The following SLC25A53 variants were observed in gnomAD, a reference collection of about 807,000 sequenced individuals.
SLC25A53 encodes mitochondrial carrier triple repeat protein 6.
Under a neutral mutation model 15.0 loss-of-function variants are expected in SLC25A53, and 5 were observed. The observed-to-expected ratio is 0.33, with a 90% CI of 0.17 to 0.70. The LOEUF (loss-of-function observed/expected upper bound fraction) is 0.70. Ranked by LOEUF, SLC25A53 falls within the 30% of genes least tolerant of loss-of-function variation. SLC25A53 has a pLI of 0.67. For synonymous variants in SLC25A53, 95 were observed against 100.0 expected (o/e 0.95, Z 0.30); for missense variants, 216 against 241.6 (o/e 0.89, Z 0.70).
intron 1 of SLC25A53, among the ~76,000 whole-genome samples, chrX:104,144,375 A>G (rs201384624): frequency 2.7e-5 from 3 of 112,066 alleles, no homozygotes; most frequent in East Asian, 5.6e-4. Context: ...AAAGACACAC[A>G]TAGGCTCAAA....
chrX:104,125,867 A>C (rs2075409336), intron 1 of SLC25A53, among the ~76,000 whole-genome samples: 1 of 112,224 alleles, frequency 8.9e-6, no homozygotes, highest in African/African-American at 3.2e-5. Flanking sequence ...TTGATGAAAG[A>C]AAGCTAGCAA....
In SLC25A53 at chrX:104,155,162, T is replaced by C. The variant is rs782522360; in HGVS notation, c.-32+1716A>G. 5.4e-5 allele frequency among the ~76,000 whole-genome samples: 6 copies of C among 110,321 alleles called. No individual in the cohort carries two copies. The East Asian group carries it at 1.4e-3, about 26-fold the overall frequency. ...GCCTAGCCTTCCCTAGGGGAGATATTCTTTTTTTTTTTTTGAGACAGAGTC... is the reference window on the plus strand; with the variant it reads ...GCCTAGCCTTCCCTAGGGGAGATATCCTTTTTTTTTTTTTGAGACAGAGTC... On this transcript the variant is annotated intron_variant, in intron 1 of 1. Coordinates refer to ENST00000594199, the MANE Select transcript of SLC25A53 (RefSeq NM_001012755.5).
intron 1 of SLC25A53, among the ~76,000 whole-genome samples, chrX:104,123,896 C>CT (rs201212512): frequency 0.023 from 2,569 of 111,367 alleles, 64 homozygotes; most frequent in African/African-American, 0.079. Flanking sequence ...ATGAACTCAT[C>CT]TTTTTTTATA....
chrX:104,122,301 TTTG>T (rs1358543154), intron 1 of SLC25A53, among the ~76,000 whole-genome samples: 1 of 94,831 alleles, frequency 1.1e-5, no homozygotes, highest in African/African-American at 3.9e-5. Flanking sequence ...ATTTCTTTTT[TTTG>T]TTTTTTTTTT....
At chrX:104,113,991 T>C in intron 1 of SLC25A53, 3 of 1,095,427 alleles carry the variant, frequency 2.7e-6, no homozygotes, top group Non-Finnish European at 3.6e-6. Context: ...TTCCTTAGAA[T>C]CCCTACTGAA....
intron 1 of SLC25A53, chrX:104,115,109 G>A: frequency 8.3e-7 from 1 of 1,202,610 alleles, no homozygotes; most frequent in Non-Finnish European, 1.1e-6. Context: ...AAGAATGATG[G>A]TCCTGGGAAT....
At chrX:104,136,415 C>T (rs2075436762) in intron 1 of SLC25A53, among the ~76,000 whole-genome samples, 1 of 111,270 alleles carries the variant, frequency 9.0e-6, no homozygotes, top group African/African-American at 3.3e-5. Flanking sequence ...GGCTGGAGCA[C>T]TAGGCAGCTC....
At chrX:104,123,566 T>C (rs1248735462) in intron 1 of SLC25A53, among the ~76,000 whole-genome samples, 1 of 111,660 alleles carries the variant, frequency 9.0e-6, no homozygotes, top group East Asian at 2.8e-4. Flanking sequence ...TTACTTTTTT[T>C]CCCTTTTTTT....
chrX:104,152,323 C>T (rs1461538760), intron 1 of SLC25A53, among the ~76,000 whole-genome samples: 43 of 102,213 alleles, frequency 4.2e-4, no homozygotes, highest in African/African-American at 1.5e-3. Flanking sequence ...TGAGAACATG[C>T]GGTGTTTGGT....
intron 1 of SLC25A53, among the ~76,000 whole-genome samples, chrX:104,137,205 G>GCAAA (rs111925970): frequency 1.8e-5 from 2 of 111,107 alleles, no homozygotes; most frequent in African/African-American, 6.5e-5. Context: ...TTAAAAACAA[G>GCAAA]CAAACAAACA....
chrX:104,140,584 T>C (rs1039236758), intron 1 of SLC25A53, among the ~76,000 whole-genome samples: 7 of 111,537 alleles, frequency 6.3e-5, no homozygotes, highest in Non-Finnish European at 1.1e-4. Flanking sequence ...CCCTTTAACA[T>C]TGGTCTCTCC....
intron 1 of SLC25A53, among the ~76,000 whole-genome samples, chrX:104,137,516 C>T (rs781870211): frequency 9.3e-4 from 104 of 111,538 alleles, no homozygotes; most frequent in African/African-American, 3.4e-3. Context: ...GGATCTTGAG[C>T]AGCTCACTGG....
intron 1 of SLC25A53, among the ~76,000 whole-genome samples, chrX:104,116,299 C>T (rs782145146): frequency 1.8e-5 from 2 of 110,920 alleles, no homozygotes; most frequent in Admixed American, 9.6e-5. Context: ...CCTATCTTCA[C>T]GAAGAGGTCA....
chrX:104,101,845 G>A lies in SLC25A53; in HGVS notation c.*2489C>T. ...GAATTAGGGTAAAGGGGACATGGGT[G>A]TTCTTTAAGCTTTATTTATGCTTGC... is the stretch of plus-strand genomic sequence containing the variant. On this transcript the variant is annotated 3_prime_UTR_variant, in exon 2 of 2. Coordinates refer to ENST00000594199, the MANE Select transcript of SLC25A53 (RefSeq NM_001012755.5). 8.9e-6 allele frequency: 1 copy of A among 111,959 alleles called. No homozygotes were observed. The highest frequency in any genetic ancestry group is 2.8e-4 in the East Asian group (1 of 3,575). 9.2% of individuals were successfully genotyped at this position (111,959 alleles called of 1,213,427 possible). A position where few individuals can be genotyped will look rare whatever the true frequency, so the allele number is the denominator to read the frequency against.
At chrX:104,154,370 T>C (rs2075494143) in intron 1 of SLC25A53, among the ~76,000 whole-genome samples, 1 of 112,329 alleles carries the variant, frequency 8.9e-6, no homozygotes, top group Admixed American at 9.4e-5. Context: ...GGCAACCCTA[T>C]ACATTGTTGG....
intron 1 of SLC25A53, chrX:104,114,992 C>A: frequency 8.4e-7 from 1 of 1,192,332 alleles, no homozygotes; most frequent in East Asian, 3.0e-5. Context: ...CCTACAGGTG[C>A]CCCTCCCTTC....
At chrX:104,114,375 A>G in intron 1 of SLC25A53, 1 of 1,211,590 alleles carries the variant, frequency 8.3e-7, no homozygotes. Context: ...GCTTGATGAA[A>G]ACACTTAGGG....
At chrX:104,112,619 T>C (rs1285334399) in intron 1 of SLC25A53, 2 of 113,650 alleles carry the variant, frequency 1.8e-5, no homozygotes, top group African/African-American at 6.4e-5. Flanking sequence ...TTGGGAACCG[T>C]GCTGCCTCGA....
intron 1 of SLC25A53, among the ~76,000 whole-genome samples, chrX:104,109,061 A>G (rs59626857): frequency 0.054 from 6,062 of 111,735 alleles, 373 homozygotes; most frequent in African/African-American, 0.19. Context: ...ATATGACTCA[A>G]TCCTTAATTG....
Sources: allele counts gnomAD v4.1 joint callset (sites outside exome capture counted in the v4.1 genomes callset), GRCh38; gene constraint gnomAD v4.1.1; transcripts MANE v1.5; gene names NCBI Gene and HGNC (gene_info 2026-07-23, HGNC 2026-07-21).